The following PCDH11X variants were observed in gnomAD, a reference collection of about 807,000 sequenced individuals.
PCDH11X encodes protocadherin-11 X-linked.
In PCDH11X, 18 loss-of-function variants were observed where a neutral mutation model predicts 53.3. The observed-to-expected ratio is 0.34, with a 90% CI of 0.23 to 0.50. PCDH11X has a LOEUF of 0.50. Among genes scored for constraint, PCDH11X ranks in the 20% least tolerant of loss-of-function variants. The probability of loss-of-function intolerance (pLI) is 0.98; values close to 1 mark genes in which losing one functional copy is unlikely to be tolerated. For missense variants in PCDH11X, 570 were observed against 1,032.4 expected, an observed-to-expected ratio of 0.55 and a Z score of 6.14; for synonymous variants, 279 against 393.3, an observed-to-expected ratio of 0.71 and a Z score of 3.44.
At chrX:92,104,659 C>A (rs1388404218) in intron 6 of PCDH11X, among the ~76,000 whole-genome samples, 1 of 110,070 alleles carries the variant, frequency 9.1e-6, no homozygotes, top group Admixed American at 9.7e-5. Context: ...AGAATACAGG[C>A]TAAGGGAGAA....
intron 6 of PCDH11X, among the ~76,000 whole-genome samples, chrX:92,185,932 T>C (rs1275644808): frequency 9.0e-6 from 1 of 111,305 alleles, no homozygotes; most frequent in Non-Finnish European, 1.9e-5. Flanking sequence ...AGTTCAGCCA[T>C]TATGGAAAAC....
At chrX:92,491,721 T>A (rs1337040218) in intron 10 of PCDH11X, among the ~76,000 whole-genome samples, 1 of 111,362 alleles carries the variant, frequency 9.0e-6, no homozygotes, top group Non-Finnish European at 1.9e-5. Context: ...CTGTGACCAA[T>A]TTCTCCCCAT....
chrX:92,014,707 A>C (rs2062759184), intron 6 of PCDH11X, among the ~76,000 whole-genome samples: 1 of 112,326 alleles, frequency 8.9e-6, no homozygotes, highest in African/African-American at 3.2e-5. Context: ...ATGCAGCCAT[A>C]AAAAATGATG....
At chrX:91,834,645 T>A (rs1362728589) in intron 4 of PCDH11X, 3 of 110,645 alleles carry the variant, frequency 2.7e-5, no homozygotes, top group Non-Finnish European at 5.7e-5. Flanking sequence ...CTAAAGCAAA[T>A]ATAGTAGATC....
chrX:92,472,702 T>C (rs186326507), intron 10 of PCDH11X, among the ~76,000 whole-genome samples: 41 of 111,007 alleles, frequency 3.7e-4, no homozygotes, highest in African/African-American at 1.3e-3. Context: ...AATGTATACA[T>C]TGTTTTAGGC....
At chrX:92,095,706 A>G (rs751945869) in intron 6 of PCDH11X, among the ~76,000 whole-genome samples, 21 of 112,299 alleles carry the variant, frequency 1.9e-4, no homozygotes, top group Non-Finnish European at 2.8e-4. Context: ...AATATACGCC[A>G]TTTAAACCTT....
intron 6 of PCDH11X, among the ~76,000 whole-genome samples, chrX:91,933,761 G>A (rs1408318726): frequency 2.7e-5 from 3 of 111,170 alleles, no homozygotes; most frequent in Non-Finnish European, 3.8e-5. Context: ...TTGCTAAATG[G>A]GAAAGTTGGT....
intron 6 of PCDH11X, among the ~76,000 whole-genome samples, chrX:92,046,124 T>C (rs2063284953): frequency 9.0e-6 from 1 of 111,530 alleles, no homozygotes; most frequent in Middle Eastern, 4.6e-3. Context: ...CAATTCTATC[T>C]AGTGATATCA....
intron 6 of PCDH11X, among the ~76,000 whole-genome samples, chrX:92,147,984 C>CCTTTCTTCTTTCTTTCTTT (rs2065323593): frequency 1.4e-5 from 1 of 72,103 alleles, no homozygotes; most frequent in African/African-American, 7.9e-5. Flanking sequence ...TTCCTTCCTT[C>CCTTTCTTCTTTCTTTCTTT]CTTTCTTTCT....
rs187899681 is a variant in PCDH11X, at chrX:92,444,038, A to G, written c.3344-24261A>G. The stretch of plus-strand genomic sequence containing the variant: ...CTCTTTTTTGTACCATATGAATTTT[A>G]GAATAGTTTTTTTTTCTAGTTCTGT... On this transcript the variant is annotated intron_variant, in intron 9 of 10. Transcript: ENST00000682573. Among the ~76,000 whole-genome samples, 1,028 of 110,777 alleles carry G rather than the reference A, an allele frequency of 9.3e-3. 5 individuals carry two copies. Among genetic ancestry groups the G allele is most frequent in the African/African-American group, 0.032 (983 of 30,449 alleles).
At chrX:92,355,319 G>T (rs1223939633) in intron 8 of PCDH11X, among the ~76,000 whole-genome samples, 5 of 44,297 alleles carry the variant, frequency 1.1e-4, no homozygotes, top group Non-Finnish European at 1.1e-4. Context: ...CCCAGCTACT[G>T]AGGCAGGAGA....
intron 4 of PCDH11X, among the ~76,000 whole-genome samples, chrX:91,825,535 C>T (rs1041071274): frequency 3.6e-5 from 4 of 111,833 alleles, no homozygotes; most frequent in African/African-American, 6.5e-5. Context: ...TGCTTCAGCT[C>T]GCGCACGGTG....
At chrX:92,122,250 G>A (rs1292237817) in intron 6 of PCDH11X, among the ~76,000 whole-genome samples, 2 of 110,825 alleles carry the variant, frequency 1.8e-5, no homozygotes, top group Non-Finnish European at 1.9e-5. Flanking sequence ...CCAAAGTGCT[G>A]GAATTACAGG....
chrX:92,075,204 C>T lies in PCDH11X; in HGVS notation c.3034-126171C>T, dbSNP rs771767138. 1.2e-4 allele frequency among the ~76,000 whole-genome samples: 13 copies of T among 109,579 alleles called. No individual in the cohort carries two copies. In the East Asian group the frequency reaches 3.8e-3, roughly 32 times the overall value. ...TTTCTACCTGCATCTCACGAGGCCTCTATTGGAATTCTATAATAACCAGCC... is the reference window on the plus strand; with the variant it reads ...TTTCTACCTGCATCTCACGAGGCCTTTATTGGAATTCTATAATAACCAGCC... On this transcript the variant is annotated intron_variant, in intron 6 of 10. Transcript: ENST00000682573.
At position 91,870,506 on chromosome X, in the gene PCDH11X, A is replaced by C. The variant is rs1243594103; in HGVS notation, c.541-6275A>C. On this transcript the variant is annotated intron_variant, in intron 5 of 10. Coordinates refer to ENST00000682573, the MANE Select transcript of PCDH11X (RefSeq NM_032968.5). ...ACTGTTCTTAATTTTGAAATCTGAC[A>C]CAATAGGGAAAAAAAAATCAATGAC... Among the ~76,000 whole-genome samples the C allele has an allele frequency of 4.5e-5, 5 of 110,182 alleles. No homozygotes were observed. In the Admixed American group the frequency reaches 4.9e-4, roughly 11 times the overall value.
intron 7 of PCDH11X, among the ~76,000 whole-genome samples, chrX:92,255,772 G>A: frequency 8.9e-6 from 1 of 112,541 alleles, no homozygotes; most frequent in Non-Finnish European, 1.9e-5. Context: ...GGACCCACTT[G>A]AGGAGGCAGT....
At chrX:92,481,578 T>C (rs2073507425) in intron 10 of PCDH11X, among the ~76,000 whole-genome samples, 1 of 110,027 alleles carries the variant, frequency 9.1e-6, no homozygotes, top group Non-Finnish European at 1.9e-5. Flanking sequence ...AGGCTGGGCC[T>C]CTGGGACAGG....
Position 92,296,283 on chromosome X carries a change from A to G in PCDH11X, c.3144+33140A>G, listed in dbSNP as rs1603259941. Reference sequence around the variant, plus strand: ...ATCTTAGGTTTTGGTATTCATGTGCAGGTTTGTTATACAGATAAATTGCAT... The same window carrying G: ...ATCTTAGGTTTTGGTATTCATGTGCGGGTTTGTTATACAGATAAATTGCAT... On this transcript the variant is annotated intron_variant, in intron 8 of 10. Coordinates refer to ENST00000682573, the MANE Select transcript of PCDH11X (RefSeq NM_032968.5). 4.5e-5 allele frequency among the ~76,000 whole-genome samples: 5 copies of G among 110,300 alleles called. No homozygotes were observed. The Admixed American group carries it at 4.8e-4, about 11-fold the overall frequency.
intron 8 of PCDH11X, among the ~76,000 whole-genome samples, chrX:92,289,503 G>T (rs1325369298): frequency 1.8e-5 from 2 of 111,479 alleles, no homozygotes; most frequent in Non-Finnish European, 3.8e-5. Context: ...GAGTACTTAC[G>T]CACTGATGAA....
Sources: gnomAD v4.1 joint callset for allele counts (sites outside exome capture counted in the v4.1 genomes callset) on GRCh38, gnomAD v4.1.1 for gene constraint, MANE v1.5 for transcripts, NCBI Gene and HGNC (gene_info 2026-07-23, HGNC 2026-07-21) for gene names.